The following TBC1D20 variants were observed in gnomAD, a reference collection of about 807,000 sequenced individuals.
The protein encoded by TBC1D20 is chromosome 20 open reading frame 140.
In TBC1D20, 12 loss-of-function variants were observed where a neutral mutation model predicts 41.6. The ratio of observed to expected loss-of-function variants is 0.29; its 90% CI spans 0.18 to 0.47. The LOEUF is 0.47. Among genes scored for constraint, TBC1D20 ranks in the 20% least tolerant of loss-of-function variants. TBC1D20 has a pLI of 1.00. For synonymous variants in TBC1D20, 205 were observed against 204.8 expected (o/e 1.00, Z -0.01); for missense variants, 421 against 517.4 (o/e 0.81, Z 1.81).
At chr20:457,410 T>C (rs1479681801) in intron 1 of TBC1D20, among the ~76,000 whole-genome samples, 1 of 151,744 alleles carries the variant, frequency 6.6e-6, no homozygotes, top group Non-Finnish European at 1.5e-5. Flanking sequence ...TTTGTAGAGG[T>C]GGGGTCTCAT....
At chr20:441,820 G>C (rs1481523544) in intron 4 of TBC1D20, 37 bp downstream of exon 4, 2 of 1,603,654 alleles carry the variant, frequency 1.2e-6, no homozygotes, top group African/African-American at 2.7e-5. Context: ...CGGCTGAGGA[G>C]TGATGCCCGT....
At position 438,839 on chromosome 20, in the gene TBC1D20, G is replaced by T. The variant is rs150555924; in HGVS notation, c.959C>A (p.Thr320Lys). The change falls in exon 8 of 8, where the codon ACG becomes AAG. Residue 320 changes from threonine (T) to lysine (K), a missense_variant and splice_region_variant. Thr to Lys is a moderately conservative substitution (Grantham distance 78). Coordinates refer to ENST00000354200, the MANE Select transcript of TBC1D20 (RefSeq NM_144628.4). Reference protein sequence around the residue: ...EAAAQQQAERTAASTFKDFEL... With the variant: ...EAAAQQQAERKAASTFKDFEL... ...AAAGTCTTTGAAAGTAGAGGCTGCC[G>T]TCCTGCAGGGGAAAGAGACGGAAGG... The T allele has an allele frequency of 6.2e-7, 1 of 1,612,330 alleles. No individual in the cohort carries two copies. Among genetic ancestry groups the T allele is most frequent in the Non-Finnish European group, 8.5e-7 (1 of 1,178,554 alleles).
At chr20:441,348 C>G in intron 5 of TBC1D20, 1 of 495,228 alleles carries the variant, frequency 2.0e-6, no homozygotes, top group East Asian at 3.3e-5. Flanking sequence ...ATACCTTATC[C>G]ACCTCTCCCC....
intron 1 of TBC1D20, among the ~76,000 whole-genome samples, 174 bp from the exon 2 acceptor site, chr20:448,248 C>A (rs2017374953): frequency 6.6e-6 from 1 of 152,152 alleles, no homozygotes; most frequent in South Asian, 2.1e-4. Flanking sequence ...CGGGCCCAGT[C>A]TACTGGACCT....
At chr20:453,714 T>A (rs1438645024) in intron 1 of TBC1D20, among the ~76,000 whole-genome samples, 3 of 141,746 alleles carry the variant, frequency 2.1e-5, no homozygotes, top group African/African-American at 8.0e-5. Flanking sequence ...CCTGGCTAAT[T>A]TTTTTTTTTG....
intron 1 of TBC1D20, among the ~76,000 whole-genome samples, chr20:456,705 C>G (rs1011203187): frequency 6.6e-6 from 1 of 151,898 alleles, no homozygotes; most frequent in African/African-American, 2.4e-5. Context: ...GCTGGGATTA[C>G]AGGCATTCAC....
intron 3 of TBC1D20, among the ~76,000 whole-genome samples, 175 bp from the exon 4 acceptor site, chr20:442,218 G>A (rs2017248379): frequency 6.6e-6 from 1 of 152,234 alleles, no homozygotes; most frequent in South Asian, 2.1e-4. Context: ...AAAGGCAGCT[G>A]CTAGCTTTCC....
At chr20:445,224 CAT>C (rs1440905872) in intron 2 of TBC1D20, 94 bp from the exon 3 acceptor site, 1 of 838,420 alleles carries the variant, frequency 1.2e-6, no homozygotes, top group African/African-American at 1.7e-5. Flanking sequence ...CTAGAGGGCA[CAT>C]GTCAGCTTCT....
rs548330198 is a variant in TBC1D20, at chr20:440,621, G to T, written c.627-232C>A. The T allele has an allele frequency of 1.3e-3, 592 of 453,848 alleles. 2 individuals carry two copies. Among genetic ancestry groups the T allele is most frequent in the Non-Finnish European group, 1.2e-3 (300 of 259,906 alleles). The allele number at this position is 453,848 out of a possible 1,614,324, so 28.1% of individuals were successfully genotyped here. ...GGCTGCTTTATCTCACTGGGTGCTC[G>T]CCTACTGGCCAACAAATGTCAACTA... On this transcript the variant is annotated intron_variant, in intron 5 of 7. Coordinates refer to ENST00000354200, the MANE Select transcript of TBC1D20 (RefSeq NM_144628.4).
At chr20:452,852 CTAAAAA>C in intron 1 of TBC1D20, among the ~76,000 whole-genome samples, 1 of 152,140 alleles carries the variant, frequency 6.6e-6, no homozygotes, top group African/African-American at 2.4e-5. Context: ...TGACCTGTCT[CTAAAAA>C]CAAAAACAAG....
chr20:457,082 A>ACC (rs1357557423), intron 1 of TBC1D20, among the ~76,000 whole-genome samples: 1 of 151,570 alleles, frequency 6.6e-6, no homozygotes, highest in Non-Finnish European at 1.5e-5. Context: ...GATTACAGGC[A>ACC]TGCACCACCA....
Position 441,695 on chromosome 20 carries a change from G to C in TBC1D20, c.525-6C>G, listed in dbSNP as rs1280877779. Reference sequence around the variant, plus strand: ...TTGTTGGATCCATAAAATCCCTGGAGGGAGACAATTCAATAAGCCTGGTTA... The same window carrying C: ...TTGTTGGATCCATAAAATCCCTGGACGGAGACAATTCAATAAGCCTGGTTA... On this transcript the variant is annotated splice_region_variant and splice_polypyrimidine_tract_variant and intron_variant, in intron 4 of 7. Coordinates refer to ENST00000354200, the MANE Select transcript of TBC1D20 (RefSeq NM_144628.4). 1.2e-6 allele frequency: 2 copies of C among 1,613,472 alleles called. No individual in the cohort carries two copies. The highest frequency in any genetic ancestry group is 2.2e-5 in the East Asian group (1 of 44,884).
chr20:460,269 C>T (rs1422077034), intron 1 of TBC1D20, among the ~76,000 whole-genome samples: 2 of 151,976 alleles, frequency 1.3e-5, no homozygotes, highest in Admixed American at 1.3e-4. Context: ...CCCACAACTA[C>T]TGATATTGAC....
intron 1 of TBC1D20, among the ~76,000 whole-genome samples, chr20:456,529 G>T (rs2017542304): frequency 6.6e-6 from 1 of 152,142 alleles, no homozygotes; most frequent in Admixed American, 6.6e-5. Flanking sequence ...GAATCTGAGG[G>T]ATTATGAAAA....
chr20:449,153 CT>C (rs757303718), intron 1 of TBC1D20, among the ~76,000 whole-genome samples: 109 of 93,610 alleles, frequency 1.2e-3, no homozygotes, highest in East Asian at 8.6e-3. Context: ...CCTATATGTA[CT>C]TTTTTTTTTT....
At chr20:446,316 AG>A (rs1466557026) in intron 2 of TBC1D20, among the ~76,000 whole-genome samples, 1 of 152,196 alleles carries the variant, frequency 6.6e-6, no homozygotes, top group Non-Finnish European at 1.5e-5. Context: ...AGAACTCCAA[AG>A]GATTTCAGTA....
At chr20:443,658 G>A (rs952119788) in intron 3 of TBC1D20, among the ~76,000 whole-genome samples, 7 of 152,184 alleles carry the variant, frequency 4.6e-5, no homozygotes, top group Admixed American at 1.3e-4. Flanking sequence ...AGTGAAAGGA[G>A]TGAGAGTAAA....
rs1208784724 is a variant in TBC1D20, at chr20:443,782, A to C, written c.337+1268T>G. On this transcript the variant is annotated intron_variant, in intron 3 of 7. Coordinates refer to ENST00000354200, the MANE Select transcript of TBC1D20 (RefSeq NM_144628.4). ...AAGTTCAGCCTACAGAAAGCGTATC[A>C]CAGATATTACATCAATGGAAGAGGA... Among the ~76,000 whole-genome samples, 2 of 152,150 alleles carry C rather than the reference A, an allele frequency of 1.3e-5. 1 individual carries two copies.
intron 1 of TBC1D20, among the ~76,000 whole-genome samples, chr20:449,972 A>G (rs1278287494): frequency 6.6e-6 from 1 of 152,226 alleles, no homozygotes; most frequent in Non-Finnish European, 1.5e-5. Context: ...AAGAATGTCC[A>G]TTCTTAATTC....
Sources: allele counts gnomAD v4.1 joint callset (sites outside exome capture counted in the v4.1 genomes callset), GRCh38; gene constraint gnomAD v4.1.1; transcripts MANE v1.5; gene names NCBI Gene and HGNC (gene_info 2026-07-23, HGNC 2026-07-21).